The following SGCZ variants were observed in gnomAD, a reference collection of about 807,000 sequenced individuals.
SGCZ encodes zeta-sarcoglycan.
In SGCZ, 40 loss-of-function variants were observed where a neutral mutation model predicts 41.3. The ratio of observed to expected loss-of-function variants is 0.97; its 90% CI spans 0.75 to 1.26. The LOEUF (loss-of-function observed/expected upper bound fraction) is 1.26, where lower values mean the gene tolerates loss of function less well. Ranked by LOEUF, SGCZ falls within the 50% of genes most tolerant of loss-of-function variation. The pLI is 0.00. For missense variants in SGCZ, 552 were observed against 369.8 expected, an observed-to-expected ratio of 1.49 and a Z score of -4.04; for synonymous variants, 206 against 137.5, an observed-to-expected ratio of 1.50 and a Z score of -3.49.
intron 1 of SGCZ, among the ~76,000 whole-genome samples, chr8:15,030,986 T>A (rs2130958188): frequency 6.6e-6 from 1 of 152,230 alleles, no homozygotes; most frequent in South Asian, 2.1e-4. Context: ...TGTAGACAAG[T>A]TTCCTGGAGG....
intron 4 of SGCZ, among the ~76,000 whole-genome samples, chr8:14,216,440 C>CT (rs1805996565): frequency 6.6e-6 from 1 of 152,116 alleles, no homozygotes; most frequent in Non-Finnish European, 1.5e-5. Context: ...TACACAAAGA[C>CT]AGTGAAAACA....
intron 1 of SGCZ, among the ~76,000 whole-genome samples, chr8:14,877,310 A>G (rs1211826214): frequency 6.6e-6 from 1 of 152,196 alleles, no homozygotes; most frequent in East Asian, 1.9e-4. Context: ...TGTTTAGGCT[A>G]AAGTCTTGGC....
chr8:14,106,024 T>A (rs1325821472), intron 6 of SGCZ, among the ~76,000 whole-genome samples: 4 of 152,192 alleles, frequency 2.6e-5, no homozygotes, highest in African/African-American at 9.7e-5. Context: ...TGAAAAAAAT[T>A]GGAATCAATG....
At chr8:14,264,106 G>A (rs1162175355) in intron 3 of SGCZ, among the ~76,000 whole-genome samples, 1 of 152,156 alleles carries the variant, frequency 6.6e-6, no homozygotes, top group Non-Finnish European at 1.5e-5. Context: ...AGCAGCCTCA[G>A]ACCACAGGCG....
chr8:14,216,437 A>G (rs536041637), intron 4 of SGCZ, among the ~76,000 whole-genome samples: 1 of 152,314 alleles, frequency 6.6e-6, no homozygotes, highest in South Asian at 2.1e-4. Context: ...ATCTACACAA[A>G]GACAGTGAAA....
At chr8:14,958,141 T>C (rs1414271177) in intron 1 of SGCZ, among the ~76,000 whole-genome samples, 1 of 152,080 alleles carries the variant, frequency 6.6e-6, no homozygotes, top group Non-Finnish European at 1.5e-5. Flanking sequence ...ACTTTTTTAT[T>C]TGAAATTTTT....
In SGCZ at chr8:15,088,650, T is replaced by A. The variant is rs574349206; in HGVS notation, c.39+148935A>T. On this transcript the variant is annotated intron_variant, in intron 1 of 7. Transcript: ENST00000382080. ...TCTCTAAAAAAGAATAGAGCCCAGA[T>A]GAGAAAACTGTTGTCCCTTGCTGAT... Among the ~76,000 whole-genome samples, 4 of 151,436 alleles carry A rather than the reference T, an allele frequency of 2.6e-5. No individual in the cohort carries two copies. The East Asian group carries it at 7.7e-4, about 29-fold the overall frequency.
chr8:14,221,418 A>G (rs1238920242), intron 4 of SGCZ, among the ~76,000 whole-genome samples: 2 of 152,220 alleles, frequency 1.3e-5, no homozygotes, highest in Non-Finnish European at 2.9e-5. Context: ...TGTGTTGTGT[A>G]TCCATTCCTA....
At chr8:14,438,826 C>T (rs986771748) in intron 2 of SGCZ, among the ~76,000 whole-genome samples, 13 of 151,942 alleles carry the variant, frequency 8.6e-5, no homozygotes, top group African/African-American at 2.7e-4. Flanking sequence ...ACATCATATT[C>T]TTCGACTCAA....
intron 1 of SGCZ, among the ~76,000 whole-genome samples, chr8:14,588,555 A>G (rs1805138588): frequency 6.6e-6 from 1 of 152,204 alleles, no homozygotes; most frequent in Non-Finnish European, 1.5e-5. Context: ...AAGCTACATT[A>G]CTTTCATGAG....
intron 1 of SGCZ, among the ~76,000 whole-genome samples, chr8:15,237,261 G>A (rs922220798): frequency 7.9e-6 from 1 of 126,964 alleles, no homozygotes; most frequent in Non-Finnish European, 1.8e-5. Context: ...TGCCCCCCCC[G>A]GGGAGACGAG....
intron 4 of SGCZ, among the ~76,000 whole-genome samples, chr8:14,210,201 G>A (rs765028995): frequency 4.6e-5 from 7 of 152,132 alleles, no homozygotes; most frequent in Non-Finnish European, 5.9e-5. Context: ...GGGAATACAG[G>A]TGCACACTAC....
intron 1 of SGCZ, among the ~76,000 whole-genome samples, chr8:15,001,381 G>C (rs549993941): frequency 2.0e-5 from 3 of 152,172 alleles, no homozygotes; most frequent in South Asian, 4.2e-4. Context: ...AAGTTTACTG[G>C]GATATTTGTC....
chr8:15,093,989 A>G (rs1451403725), intron 1 of SGCZ, among the ~76,000 whole-genome samples: 1 of 152,208 alleles, frequency 6.6e-6, no homozygotes, highest in Admixed American at 6.5e-5. Context: ...TCTCATGAAC[A>G]ATACCTGCTA....
chr8:15,193,147 G>T (rs1800594806), intron 1 of SGCZ, among the ~76,000 whole-genome samples: 1 of 152,036 alleles, frequency 6.6e-6, no homozygotes, highest in Non-Finnish European at 1.5e-5. Context: ...CATCCTTTGA[G>T]CAAGTCTCCT....
At chr8:14,342,482 A>T (rs1054922393) in intron 2 of SGCZ, among the ~76,000 whole-genome samples, 1 of 151,800 alleles carries the variant, frequency 6.6e-6, no homozygotes, top group African/African-American at 2.4e-5. Context: ...CGCCCGGCTA[A>T]TTTTTTGTAT....
intron 1 of SGCZ, among the ~76,000 whole-genome samples, chr8:15,155,081 C>T (rs1799290763): frequency 1.3e-5 from 2 of 152,082 alleles, no homozygotes; most frequent in Admixed American, 1.3e-4. Context: ...AGCTTGAGCC[C>T]AGGAGTTCGA....
At chr8:14,959,755 T>G (rs528333783) in intron 1 of SGCZ, among the ~76,000 whole-genome samples, 1 of 152,286 alleles carries the variant, frequency 6.6e-6, no homozygotes, top group South Asian at 2.1e-4. Context: ...TCTACTGGTT[T>G]GTATATCTTT....
intron 1 of SGCZ, among the ~76,000 whole-genome samples, chr8:15,063,314 T>C (rs562584677): frequency 6.6e-5 from 10 of 152,236 alleles, no homozygotes; most frequent in Admixed American, 2.0e-4. Context: ...AGGAATGTGA[T>C]TGGTTAATGA....
Sources: allele counts gnomAD v4.1 joint callset (sites outside exome capture counted in the v4.1 genomes callset), GRCh38; gene constraint gnomAD v4.1.1; transcripts MANE v1.5; gene names NCBI Gene and HGNC (gene_info 2026-07-23, HGNC 2026-07-21).